The following ZCWPW2 variants were observed in gnomAD, a reference collection of about 807,000 sequenced individuals.
ZCWPW2 encodes zinc finger CW-type PWWP domain protein 2.
ZCWPW2 carries 45 observed loss-of-function variants against 46.6 expected under a neutral mutation model. The ratio of observed to expected loss-of-function variants is 0.96; its 90% CI spans 0.76 to 1.24. The LOEUF (loss-of-function observed/expected upper bound fraction) is 1.24. ZCWPW2 is among the 50% of genes most tolerant of loss of function. The pLI, the probability that ZCWPW2 is intolerant of heterozygous loss-of-function variation, is 0.00. For synonymous variants in ZCWPW2, 152 were observed against 137.1 expected (o/e 1.11, Z -0.76); for missense variants, 429 against 403.9 (o/e 1.06, Z -0.53).
At chr3:28,358,132 C>G (rs1704810082) in intron 1 of ZCWPW2, among the ~76,000 whole-genome samples, 1 of 152,012 alleles carries the variant, frequency 6.6e-6, no homozygotes, top group Non-Finnish European at 1.5e-5. Flanking sequence ...TACTCCTTAG[C>G]TGTCTGAACT....
At position 28,448,135 on chromosome 3, in the gene ZCWPW2, A is replaced by T. The variant is rs769316395; in HGVS notation, c.492+12866A>T. On this transcript the variant is annotated intron_variant, in intron 4 of 9. Transcript: ENST00000383768. ...TAAAAGGCTTAAAAAAAAGATCAAA[A>T]TTGGACAGAAAGAAGTAAAATTATC... The T allele has an allele frequency of 1.0e-4, 19 of 190,948 alleles. No homozygotes were observed. The Admixed American group carries it at 1.0e-3, about 11-fold the overall frequency. 11.8% of individuals were successfully genotyped at this position (190,948 alleles called of 1,614,324 possible). A position where few individuals can be genotyped will look rare whatever the true frequency, so the allele number is the denominator to read the frequency against.
intron 3 of ZCWPW2, among the ~76,000 whole-genome samples, chr3:28,426,637 TATACTA>T (rs1169970802): frequency 6.6e-6 from 1 of 152,198 alleles, no homozygotes; most frequent in Non-Finnish European, 1.5e-5. Context: ...TATCAATTAA[TATACTA>T]ATAATATGTG....
At chr3:28,518,578 C>T (rs1427599593) in intron 8 of ZCWPW2, among the ~76,000 whole-genome samples, 1 of 152,140 alleles carries the variant, frequency 6.6e-6, no homozygotes, top group Non-Finnish European at 1.5e-5. Context: ...ATTACTTTGT[C>T]TAATTTTGAT....
Position 28,478,941 on chromosome 3 carries a change from T to C in ZCWPW2, c.610+10T>C. 6.6e-7 allele frequency: 1 copy of C among 1,506,024 alleles called. No homozygotes were observed. The highest frequency in any genetic ancestry group is 9.0e-7 in the Non-Finnish European group (1 of 1,112,896). 93.3% of individuals were successfully genotyped at this position (1,506,024 alleles called of 1,614,324 possible). A position where few individuals can be genotyped will look rare whatever the true frequency, so the allele number is the denominator to read the frequency against. On this transcript the variant is annotated intron_variant, in intron 5 of 9. Transcript: ENST00000383768. ...CTATCAAAACTACAAGGTGTATAAATATTTTTTCTTTATTACTCTGAAATA... is the reference window on the plus strand; with the variant it reads ...CTATCAAAACTACAAGGTGTATAAACATTTTTTCTTTATTACTCTGAAATA...
intron 1 of ZCWPW2, among the ~76,000 whole-genome samples, chr3:28,362,725 C>T (rs750448396): frequency 3.3e-5 from 5 of 151,900 alleles, no homozygotes; most frequent in Non-Finnish European, 7.4e-5. Flanking sequence ...ATTTCATACC[C>T]GAAGAAATAT....
intron 4 of ZCWPW2, among the ~76,000 whole-genome samples, chr3:28,439,082 T>C (rs1483016818): frequency 7.2e-6 from 1 of 139,642 alleles, no homozygotes; most frequent in African/African-American, 2.9e-5. Context: ...TATACACATA[T>C]ATATACACAT....
At position 28,392,419 on chromosome 3, in the gene ZCWPW2, A is replaced by G. The variant is rs147194124; in HGVS notation, c.-14+1802A>G. ...CAAGGGAGAGATCATTCAGACAGAA[A>G]TCCAATAAGGAAACACTGAACTTAT... On this transcript the variant is annotated intron_variant, in intron 2 of 9. Transcript: ENST00000383768. 4.9e-3 allele frequency among the ~76,000 whole-genome samples: 744 copies of G among 152,310 alleles called. 9 individuals carry two copies. The highest frequency in any genetic ancestry group is 0.017 in the African/African-American group (695 of 41,578).
intron 1 of ZCWPW2, among the ~76,000 whole-genome samples, chr3:28,380,975 G>GTATATA (rs373040439): frequency 1.5e-4 from 1 of 6,732 alleles, no homozygotes; most frequent in South Asian, 7.4e-3. Context: ...TATATATTTG[G>GTATATA]TATATATATA....
At chr3:28,488,089 C>A (rs915355476) in intron 5 of ZCWPW2, among the ~76,000 whole-genome samples, 2 of 152,142 alleles carry the variant, frequency 1.3e-5, no homozygotes, top group Admixed American at 1.3e-4. Flanking sequence ...TCTGTGAGAA[C>A]CTGGTAGAGC....
chr3:28,508,445 A>T (rs910290801), intron 6 of ZCWPW2, among the ~76,000 whole-genome samples: 60 of 152,246 alleles, frequency 3.9e-4, no homozygotes, highest in Admixed American at 5.9e-4. Flanking sequence ...GAAAATAGCT[A>T]CATGAGGTTT....
intron 4 of ZCWPW2, among the ~76,000 whole-genome samples, chr3:28,465,044 A>G (rs975472860): frequency 6.6e-6 from 1 of 152,226 alleles, no homozygotes; most frequent in African/African-American, 2.4e-5. Flanking sequence ...TTAGAAAGGT[A>G]AATGTAAATG....
At chr3:28,388,474 G>T (rs949477431) in intron 1 of ZCWPW2, among the ~76,000 whole-genome samples, 2 of 152,074 alleles carry the variant, frequency 1.3e-5, no homozygotes, top group African/African-American at 4.8e-5. Flanking sequence ...TTCCAGAAGA[G>T]GTTGCAAAGT....
In ZCWPW2 at chr3:28,413,056, A is replaced by G; in HGVS notation, c.-13A>G. The G allele has an allele frequency of 1.3e-6, 2 of 1,592,372 alleles. No homozygotes were observed. The highest frequency in any genetic ancestry group is 1.1e-5 in the South Asian group (1 of 88,466). On this transcript the variant is annotated splice_region_variant and 5_prime_UTR_variant, in exon 3 of 10. Coordinates refer to ENST00000383768, the MANE Select transcript of ZCWPW2 (RefSeq NM_001040432.4). ...TATTTTCCTCTTTCTTATTTTCCAG[A>G]TTAAATGCCTTAATGGATAAAGAAA...
intron 4 of ZCWPW2, among the ~76,000 whole-genome samples, chr3:28,443,343 T>TC (rs1697846524): frequency 2.0e-5 from 3 of 152,080 alleles, no homozygotes; most frequent in African/African-American, 4.8e-5. Context: ...TTTAGTGGGG[T>TC]CCTTCCTCAA....
intron 1 of ZCWPW2, among the ~76,000 whole-genome samples, chr3:28,349,539 G>C (rs1704451890): frequency 6.6e-6 from 1 of 152,184 alleles, no homozygotes; most frequent in Non-Finnish European, 1.5e-5. Flanking sequence ...TTTATGGAAT[G>C]AGAGACAGGG....
At chr3:28,359,718 C>T (rs1704869362) in intron 1 of ZCWPW2, among the ~76,000 whole-genome samples, 1 of 152,046 alleles carries the variant, frequency 6.6e-6, no homozygotes, top group Non-Finnish European at 1.5e-5. Flanking sequence ...AAATCATCAA[C>T]TATAAAATGT....
intron 2 of ZCWPW2, among the ~76,000 whole-genome samples, chr3:28,410,485 G>C (rs185837259): frequency 6.6e-6 from 1 of 151,586 alleles, no homozygotes; most frequent in Admixed American, 6.6e-5. Flanking sequence ...CAAAACAAAT[G>C]CCAAAAAAAT....
intron 2 of ZCWPW2, among the ~76,000 whole-genome samples, chr3:28,409,814 G>A (rs903558872): frequency 4.6e-5 from 7 of 152,002 alleles, no homozygotes; most frequent in African/African-American, 1.2e-4. Flanking sequence ...TAAAGAAATA[G>A]CATAATAAAT....
intron 4 of ZCWPW2, among the ~76,000 whole-genome samples, chr3:28,457,745 CT>C (rs1041893517): frequency 1.3e-5 from 2 of 151,944 alleles, no homozygotes; most frequent in African/African-American, 2.4e-5. Flanking sequence ...GAGTTTACAA[CT>C]TTTTTTTGCT....
Sources: gnomAD v4.1 joint callset for allele counts (sites outside exome capture counted in the v4.1 genomes callset) on GRCh38, gnomAD v4.1.1 for gene constraint, MANE v1.5 for transcripts, NCBI Gene and HGNC (gene_info 2026-07-23, HGNC 2026-07-21) for gene names.